The following CACNA2D3 variants were observed in gnomAD, a reference collection of about 807,000 sequenced individuals.
The protein encoded by CACNA2D3 is voltage-dependent calcium channel subunit alpha-2/delta-3.
CACNA2D3 carries 60 observed loss-of-function variants against 160.6 expected under a neutral mutation model. That is an observed-to-expected ratio of 0.37 (90% confidence interval 0.30 to 0.46). The LOEUF (loss-of-function observed/expected upper bound fraction) is 0.46, where lower values mean the gene tolerates loss of function less well. Ranked by LOEUF, CACNA2D3 falls within the 20% of genes least tolerant of loss-of-function variation. The pLI, the probability that CACNA2D3 is intolerant of heterozygous loss-of-function variation, is 1.00. For missense variants in CACNA2D3, 1,205 were observed against 1,365.0 expected (o/e 0.88, Z 1.85); for synonymous variants, 558 against 492.9 (o/e 1.13, Z -1.75).
At chr3:54,673,692 G>A (rs1480273861) in intron 11 of CACNA2D3, among the ~76,000 whole-genome samples, 1 of 152,154 alleles carries the variant, frequency 6.6e-6, no homozygotes, top group African/African-American at 2.4e-5. Context: ...GGTAATATCT[G>A]GTAGGACATT....
chr3:54,404,324 A>G (rs1381028868), intron 4 of CACNA2D3, among the ~76,000 whole-genome samples: 1 of 152,178 alleles, frequency 6.6e-6, no homozygotes, highest in Admixed American at 6.5e-5. Flanking sequence ...ATCCCTGGCC[A>G]TGTAAGACTA....
intron 1 of CACNA2D3, 133 bp from the exon 2 acceptor site, chr3:54,123,380 A>G (rs879324094): frequency 2.7e-5 from 19 of 694,508 alleles, no homozygotes; most frequent in Non-Finnish European, 4.5e-5. Flanking sequence ...CGCTTTTTCT[A>G]TCTTTTCTTC....
At chr3:54,460,834 G>A (rs1700489829) in intron 4 of CACNA2D3, among the ~76,000 whole-genome samples, 1 of 152,150 alleles carries the variant, frequency 6.6e-6, no homozygotes, top group South Asian at 2.1e-4. Context: ...TGGTGAGAGA[G>A]GGCATCCCTG....
chr3:54,863,724 A>T (rs199785797), intron 17 of CACNA2D3, among the ~76,000 whole-genome samples: 4,257 of 145,102 alleles, frequency 0.029, 102 homozygotes, highest in South Asian at 0.066. Flanking sequence ...TTTTTTTTTA[A>T]AAAAAAAATA....
At chr3:54,558,120 G>C (rs923853484) in intron 5 of CACNA2D3, among the ~76,000 whole-genome samples, 1 of 152,184 alleles carries the variant, frequency 6.6e-6, no homozygotes, top group Non-Finnish European at 1.5e-5. Flanking sequence ...AAGTGGACCT[G>C]ACTTATGTGA....
intron 2 of CACNA2D3, among the ~76,000 whole-genome samples, chr3:54,281,446 G>A (rs1702880248): frequency 6.6e-6 from 1 of 152,134 alleles, no homozygotes; most frequent in African/African-American, 2.4e-5. Flanking sequence ...TGGCAGAGTG[G>A]ATCATGAGGG....
intron 9 of CACNA2D3, among the ~76,000 whole-genome samples, chr3:54,606,331 G>C (rs78510109): frequency 3.3e-5 from 5 of 152,198 alleles, no homozygotes; most frequent in African/African-American, 1.2e-4. Flanking sequence ...ACAAGGAATA[G>C]GCTGGATGCT....
chr3:54,769,575 A>T (rs950929889), intron 13 of CACNA2D3, among the ~76,000 whole-genome samples: 1 of 152,202 alleles, frequency 6.6e-6, no homozygotes, highest in African/African-American at 2.4e-5. Context: ...CATTTCTAAC[A>T]TGAGAATACG....
chr3:54,961,552 T>C (rs1702030053), intron 27 of CACNA2D3, among the ~76,000 whole-genome samples: 1 of 152,232 alleles, frequency 6.6e-6, no homozygotes, highest in Non-Finnish European at 1.5e-5. Flanking sequence ...AAGTCAGCTC[T>C]TGGATCTGTT....
Position 54,411,606 on chromosome 3 carries a change from A to AATT in CACNA2D3, c.381+24832_381+24833insATT, listed in dbSNP as rs61673332. Among the ~76,000 whole-genome samples, 81 of 152,344 alleles carry AATT rather than the reference A, an allele frequency of 5.3e-4. No homozygotes were observed. In the East Asian group the frequency reaches 8.9e-3, roughly 17 times the overall value. On this transcript the variant is annotated intron_variant, in intron 4 of 37. Transcript: ENST00000474759. ...GACATAATGCTATTGCACACTTAAT[A>AATT]GACTGTGGTATAGTATAAACGTAAC...
At chr3:54,631,725 A>G (rs1328279003) in intron 10 of CACNA2D3, among the ~76,000 whole-genome samples, 2 of 152,216 alleles carry the variant, frequency 1.3e-5, no homozygotes, top group African/African-American at 4.8e-5. Context: ...GGAGCATTCA[A>G]ATAAACTTCT....
At chr3:54,749,757 C>T (rs1313024050) in intron 11 of CACNA2D3, among the ~76,000 whole-genome samples, 1 of 152,194 alleles carries the variant, frequency 6.6e-6, no homozygotes, top group Admixed American at 6.5e-5. Context: ...GCCATTTCTG[C>T]TCAGATAAGG....
intron 35 of CACNA2D3, among the ~76,000 whole-genome samples, chr3:55,064,426 A>G (rs1478177706): frequency 6.6e-6 from 1 of 151,868 alleles, no homozygotes; most frequent in Non-Finnish European, 1.5e-5. Context: ...GCAGGGCTCT[A>G]GTTGCTGGGC....
intron 11 of CACNA2D3, among the ~76,000 whole-genome samples, chr3:54,734,580 A>G (rs1236393556): frequency 6.6e-6 from 1 of 152,218 alleles, no homozygotes; most frequent in Non-Finnish European, 1.5e-5. Context: ...GGTGCGTGAC[A>G]CCCCATCACT....
At chr3:54,959,265 TTCCC>T (rs1288860370) in intron 27 of CACNA2D3, among the ~76,000 whole-genome samples, 1 of 152,186 alleles carries the variant, frequency 6.6e-6, no homozygotes, top group Non-Finnish European at 1.5e-5. Context: ...TTCACCACAG[TTCCC>T]TGTCAGCTCT....
At chr3:54,305,202 T>G (rs1703570682) in intron 2 of CACNA2D3, among the ~76,000 whole-genome samples, 1 of 152,236 alleles carries the variant, frequency 6.6e-6, no homozygotes, top group Non-Finnish European at 1.5e-5. Flanking sequence ...ATTACTAAAT[T>G]TCTTTGAACT....
chr3:54,639,547 A>G, intron 10 of CACNA2D3: 1 of 162,250 alleles, frequency 6.2e-6, no homozygotes, highest in South Asian at 1.5e-4. Flanking sequence ...TTGAAAGGAG[A>G]AAGAGGTTGA....
chr3:54,223,818 C>T (rs1188683859), intron 2 of CACNA2D3, among the ~76,000 whole-genome samples: 1 of 149,684 alleles, frequency 6.7e-6, no homozygotes, highest in Non-Finnish European at 1.5e-5. Context: ...CACCATTGCA[C>T]TCCAGCCTGG....
At chr3:54,485,972 G>T (rs1273418260) in intron 4 of CACNA2D3, among the ~76,000 whole-genome samples, 1 of 152,150 alleles carries the variant, frequency 6.6e-6, no homozygotes, top group Non-Finnish European at 1.5e-5. Flanking sequence ...TTCCTGTCCT[G>T]TCCCTGCCCC....
Sources: gnomAD v4.1 joint callset for allele counts (sites outside exome capture counted in the v4.1 genomes callset) on GRCh38, gnomAD v4.1.1 for gene constraint, MANE v1.5 for transcripts, NCBI Gene and HGNC (gene_info 2026-07-23, HGNC 2026-07-21) for gene names.